Variants in HTR3D observed in about 807,000 individuals in gnomAD.
HTR3D encodes 5-hydroxytryptamine receptor 3D, also known as 5-hydroxytryptamine (serotonin) receptor 3 family member D.
A neutral mutation model predicts 45.8 loss-of-function variants in HTR3D; 47 were observed. The observed-to-expected ratio is 1.03, with a 90% CI of 0.81 to 1.31. HTR3D has a LOEUF of 1.31. Ranked by LOEUF, HTR3D falls within the 50% of genes most tolerant of loss-of-function variation. HTR3D has a pLI of 0.00. For synonymous variants in HTR3D, 203 were observed against 199.8 expected, an observed-to-expected ratio of 1.02 and a Z score of -0.13; for missense variants, 448 against 506.9, an observed-to-expected ratio of 0.88 and a Z score of 1.12.
chr3:184,038,231 G>A lies in HTR3D; in HGVS notation c.727G>A (p.Ala243Thr), dbSNP rs1432397560. ...CCCAGCCACTAGCACTTCATCACAT[G>A]CTTCACTAGTACGTCCTCATCCATC... ...LLPATSTSSHASLVRPHPSRD... is the reference protein window; with the variant it reads ...LLPATSTSSHTSLVRPHPSRD... The change falls in exon 6 of 8, where the codon GCT (alanine) becomes ACT (threonine). Residue 243 changes from alanine to threonine, a missense_variant. Physicochemically the swap from Ala to Thr is moderately conservative, Grantham distance 58. Coordinates refer to ENST00000428798, the MANE Select transcript of HTR3D (RefSeq NM_001145143.1). This position sits in a 1 kb window ranked among gnomAD's most constrained non-coding sequence, Gnocchi z 4.5. The A allele has an allele frequency of 6.2e-7, 1 of 1,614,092 alleles. No individual in the cohort carries two copies. The highest frequency in any genetic ancestry group is 8.5e-7 in the Non-Finnish European group (1 of 1,180,052).
At chr3:184,034,888 G>T (rs1722843336) in intron 1 of HTR3D, among the ~76,000 whole-genome samples, 3 of 152,298 alleles carry the variant, frequency 2.0e-5, no homozygotes, top group Admixed American at 2.0e-4. Context: ...TTCGGCGGGG[G>T]TGAGGAGTAG....
At chr3:184,035,074 C>A (rs368011858) in intron 1 of HTR3D, 104 bp from the exon 2 acceptor site, 31 of 1,528,794 alleles carry the variant, frequency 2.0e-5, no homozygotes, top group Admixed American at 1.9e-4. Context: ...GATCAAAAAT[C>A]ATTATTGCCA....
At chr3:184,032,725 G>A in intron 1 of HTR3D, 1 of 800,604 alleles carries the variant, frequency 1.2e-6, no homozygotes, top group Admixed American at 2.4e-5. Flanking sequence ...CCTTGACTCA[G>A]CTCACCTCAT....
intron 5 of HTR3D, among the ~76,000 whole-genome samples, chr3:184,037,476 C>T (rs1053345553): frequency 2.4e-4 from 37 of 152,310 alleles, no homozygotes; most frequent in Non-Finnish European, 4.6e-4. Flanking sequence ...GTGAGCCCCG[C>T]CTTCCCCAAT....
At position 184,038,783 on chromosome 3, in the gene HTR3D, A is replaced by T. The variant is rs199992123; in HGVS notation, c.1023A>T (p.Pro341=). 1 of 1,612,076 alleles carries T rather than the reference A, an allele frequency of 6.2e-7. No homozygotes were observed. The highest frequency in any genetic ancestry group is 1.3e-5 in the African/African-American group (1 of 74,910). The change falls in exon 8 of 8, where the codon CCA becomes CCT. Residue 341 remains proline (P), a synonymous_variant. Coordinates refer to ENST00000428798, the MANE Select transcript of HTR3D (RefSeq NM_001145143.1). The surrounding 1 kb of genome is among the most constrained non-coding windows in gnomAD (Gnocchi z 4.5). ...KEPEVSAGQM[P]GPGEAELTGG... is the part of the protein sequence containing the mutation. ...CAGAGGTATCAGCAGGGCAGATGCCAGGCCCTGGGGAGGCAGAGCTGACAG... is the reference window on the plus strand; with the variant it reads ...CAGAGGTATCAGCAGGGCAGATGCCTGGCCCTGGGGAGGCAGAGCTGACAG...
chr3:184,032,246 G>A (rs1189892421), intron 1 of HTR3D, among the ~76,000 whole-genome samples: 4 of 152,148 alleles, frequency 2.6e-5, no homozygotes, highest in African/African-American at 9.7e-5. Context: ...TGCCCGCGTG[G>A]GCCTCCCAAA....
chr3:184,035,120 G>T, intron 1 of HTR3D, 58 bp from the exon 2 acceptor site: 2 of 1,551,548 alleles, frequency 1.3e-6, no homozygotes, highest in Non-Finnish European at 8.7e-7. Context: ...AGGAGAGGGT[G>T]GTGGCATGGG....
Position 184,039,116 on chromosome 3 carries a change from C to A in HTR3D, c.*141C>A. Reference sequence around the variant, plus strand: ...TCCTCTGTGTAGTTTCAGACCAGACCTGAATAGTCTCCTATGCCCTCCAAA... The same window carrying A: ...TCCTCTGTGTAGTTTCAGACCAGACATGAATAGTCTCCTATGCCCTCCAAA... On this transcript the variant is annotated 3_prime_UTR_variant, in exon 8 of 8. Transcript: ENST00000428798. 1 of 874,534 alleles carries A rather than the reference C, an allele frequency of 1.1e-6. No homozygotes were observed. Among genetic ancestry groups the A allele is most frequent in the Non-Finnish European group, 1.8e-6 (1 of 569,418 alleles). The allele number at this position is 874,534 out of a possible 1,614,324, so 54.2% of individuals were successfully genotyped here. A position where few individuals can be genotyped will look rare whatever the true frequency, so the allele number is the denominator to read the frequency against.
In HTR3D at chr3:184,038,029, C is replaced by T. The variant is rs774683611; in HGVS notation, c.525C>T (p.Ile175=). 5.0e-6 allele frequency: 8 copies of T among 1,613,336 alleles called. No individual in the cohort carries two copies. Among genetic ancestry groups the T allele is most frequent in the Non-Finnish European group, 6.8e-6 (8 of 1,179,472 alleles). Residue 175 remains isoleucine, a synonymous_variant, in exon 6 of 8, where the codon ATC becomes ATT. Transcript: ENST00000428798. The surrounding 1 kb of genome is among the most constrained non-coding windows in gnomAD (Gnocchi z 4.5). ...CTTCTCCTCCCCACCAGGTGGCCAT[C>T]AGGCGCAGGTGCAGGCCCAGCCCCT... is the stretch of plus-strand genomic sequence containing the variant. ...QYEQAIFHVA[I]RRRCRPSPYV...
chr3:184,034,064 A>G (rs1005643473), intron 1 of HTR3D, among the ~76,000 whole-genome samples: 4 of 152,244 alleles, frequency 2.6e-5, no homozygotes, highest in African/African-American at 9.6e-5. Flanking sequence ...TTCTCAAAAT[A>G]TTAAAAATAG....
Position 184,031,819 on chromosome 3 carries a change from T to C in HTR3D, c.66+12T>C. 1 of 1,546,672 alleles carries C rather than the reference T, an allele frequency of 6.5e-7. No homozygotes were observed. Among genetic ancestry groups the C allele is most frequent in the South Asian group, 1.2e-5 (1 of 83,946 alleles). ...ACCTGCTGCTGCAAGTACCTTAAGA[T>C]AAGAGCAAGAGCTGAGCAGACATGT... On this transcript the variant is annotated intron_variant, in intron 1 of 7. Coordinates refer to ENST00000428798, the MANE Select transcript of HTR3D (RefSeq NM_001145143.1).
At chr3:184,032,045 A>T (rs1221566616) in intron 1 of HTR3D, among the ~76,000 whole-genome samples, 1 of 142,290 alleles carries the variant, frequency 7.0e-6, no homozygotes, top group Non-Finnish European at 1.5e-5. Flanking sequence ...CCCAGGCTAG[A>T]GTGCAGTGGC....
Position 184,031,750 on chromosome 3 carries a change from A to AGGCT in HTR3D, c.12_15dup (p.Phe6LeufsTer38). 1 of 1,551,212 alleles carries AGGCT rather than the reference A, an allele frequency of 6.4e-7. No individual in the cohort carries two copies. The highest frequency in any genetic ancestry group is 8.7e-7 in the Non-Finnish European group (1 of 1,146,606). On this transcript the variant is annotated frameshift_variant, in exon 1 of 8. Transcript: ENST00000428798. LOFTEE classifies it high-confidence loss of function. ...GTGCCAAAGAGAGGAAGATGGAAAG[A>AGGCT]GGCTGGTTCCATGGGAAAGGATTCC...
chr3:184,032,938 G>T, intron 1 of HTR3D: 2 of 1,552,688 alleles, frequency 1.3e-6, no homozygotes, highest in Non-Finnish European at 1.7e-6. Flanking sequence ...GCTTTGGCCA[G>T]CACAGGGTGG....
chr3:184,033,538 T>A (rs375770717), intron 1 of HTR3D, among the ~76,000 whole-genome samples: 17 of 152,298 alleles, frequency 1.1e-4, no homozygotes, highest in African/African-American at 4.1e-4. Flanking sequence ...AGAAAAGGTG[T>A]ATGTTCAATG....
intron 1 of HTR3D, chr3:184,032,782 A>G: frequency 7.4e-7 from 1 of 1,357,414 alleles, no homozygotes; most frequent in Non-Finnish European, 1.0e-6. Flanking sequence ...TTCCTGGACC[A>G]GGAAGGAGGA....
At chr3:184,033,000 C>T in intron 1 of HTR3D, 1 of 1,551,976 alleles carries the variant, frequency 6.4e-7, no homozygotes, top group South Asian at 1.2e-5. Context: ...GGTCCAGTCA[C>T]CAACTACAGT....
rs1722913434 is a variant in HTR3D at position 184,036,810 on chromosome 3, A to C, written c.430A>C (p.Arg144=). 2 of 1,551,878 alleles carry C rather than the reference A, an allele frequency of 1.3e-6. No homozygotes were observed. The highest frequency in any genetic ancestry group is 1.7e-6 in the Non-Finnish European group (2 of 1,147,052). The change falls in exon 5 of 8, where the codon AGG becomes CGG. Residue 144 remains arginine, a synonymous_variant. Coordinates refer to ENST00000428798, the MANE Select transcript of HTR3D (RefSeq NM_001145143.1). ...QIHHRTSFRT[R]REWVLLGIQK... Reference sequence around the variant, plus strand: ...ACATCACAGAACCTCATTCAGAACAAGGAGGGAGTGGGTACTGCTGGGTAT... The same window carrying C: ...ACATCACAGAACCTCATTCAGAACACGGAGGGAGTGGGTACTGCTGGGTAT...
At chr3:184,032,546 G>T (rs954139837) in intron 1 of HTR3D, among the ~76,000 whole-genome samples, 1 of 152,204 alleles carries the variant, frequency 6.6e-6, no homozygotes, top group Non-Finnish European at 1.5e-5. Context: ...CACCCACATG[G>T]CTCCAGGTTG....
Sources: gnomAD v4.1 joint callset for allele counts (sites outside exome capture counted in the v4.1 genomes callset) on GRCh38, gnomAD v4.1.1 for gene constraint, Gnocchi (gnomAD v3.1) non-coding constraint, MANE v1.5 for transcripts, NCBI Gene and HGNC (gene_info 2026-07-23, HGNC 2026-07-21) for gene names.